The following TEX264 variants were observed in gnomAD, a reference collection of about 807,000 sequenced individuals.
The protein encoded by TEX264 is testis expressed 264, ER-phagy receptor.
TEX264 carries 13 observed loss-of-function variants against 23.4 expected under a neutral mutation model. The observed-to-expected ratio is 0.56, with a 90% CI of 0.36 to 0.88. The LOEUF (loss-of-function observed/expected upper bound fraction) is 0.88. Among genes scored for constraint, TEX264 ranks in the 40% least tolerant of loss-of-function variants. TEX264 has a pLI of 0.01. For missense variants in TEX264, 340 were observed against 406.8 expected (o/e 0.84, Z 1.41); for synonymous variants, 159 against 170.0 (o/e 0.94, Z 0.50).
In TEX264 at chr3:51,686,106, A is replaced by G. The variant is rs1219344275; in HGVS notation, c.480+1472A>G. ...GATACATCTAAGTTGGGGGGTGTGG[A>G]GTCAGCAATGGTATGTGTGGCCTGG... On this transcript the variant is annotated intron_variant, in intron 3 of 4. Coordinates refer to ENST00000341333, the MANE Select transcript of TEX264 (RefSeq NM_015926.6). This position sits in a 1 kb window ranked among gnomAD's most constrained non-coding sequence, Gnocchi z 4.1. Among the ~76,000 whole-genome samples, 1 of 152,064 alleles carries G rather than the reference A, an allele frequency of 6.6e-6. No homozygotes were observed. Among genetic ancestry groups the G allele is most frequent in the Admixed American group, 6.5e-5 (1 of 15,268 alleles).
intron 3 of TEX264, among the ~76,000 whole-genome samples, chr3:51,693,561 C>T (rs1702910503): frequency 6.7e-6 from 1 of 149,258 alleles, no homozygotes; most frequent in Admixed American, 6.9e-5. Flanking sequence ...CTCACTGCAA[C>T]CTCTGCCTCC....
intron 3 of TEX264, among the ~76,000 whole-genome samples, chr3:51,689,987 G>T (rs1319101760): frequency 6.6e-6 from 1 of 152,208 alleles, no homozygotes; most frequent in Non-Finnish European, 1.5e-5. Context: ...TTATGGGGCA[G>T]CCAGCTTGGA....
chr3:51,690,938 G>A (rs1023365166), intron 3 of TEX264, among the ~76,000 whole-genome samples: 2 of 152,244 alleles, frequency 1.3e-5, no homozygotes, highest in Admixed American at 1.3e-4. Flanking sequence ...CGTTCCGATG[G>A]CTATATGCCT....
chr3:51,692,523 C>T lies in TEX264; in HGVS notation c.481-6883C>T, dbSNP rs115163905. Among the ~76,000 whole-genome samples the T allele has an allele frequency of 7.8e-3, 1,195 of 152,332 alleles. 9 individuals are homozygous for T. The highest frequency in any genetic ancestry group is 0.021 in the South Asian group (102 of 4,830). The stretch of plus-strand genomic sequence containing the variant: ...TCTCTTCTGTCCCCTGTCTCCTCTC[C>T]ATTCCCACTTGCCCACTTGTCCTTC... On this transcript the variant is annotated intron_variant, in intron 3 of 4. Coordinates refer to ENST00000341333, the MANE Select transcript of TEX264 (RefSeq NM_015926.6).
chr3:51,687,076 T>C (rs1461983912), intron 3 of TEX264, among the ~76,000 whole-genome samples: 2 of 152,196 alleles, frequency 1.3e-5, no homozygotes, highest in Non-Finnish European at 2.9e-5. Flanking sequence ...TCAGCTGTGC[T>C]CCTGGAGTGG....
In TEX264 at chr3:51,691,031, G is replaced by A. The variant is rs527394698; in HGVS notation, c.480+6397G>A. On this transcript the variant is annotated intron_variant, in intron 3 of 4. Transcript: ENST00000341333. This position sits in a 1 kb window ranked among gnomAD's most constrained non-coding sequence, Gnocchi z 4.4. The stretch of plus-strand genomic sequence containing the variant: ...ATCAATTTGGGATATGCTCGGGATG[G>A]TGCCCCAGGGTGGGCTTTCTTTCCT... Among the ~76,000 whole-genome samples the A allele has an allele frequency of 6.6e-6, 1 of 152,356 alleles. No homozygotes were observed. The highest frequency in any genetic ancestry group is 2.1e-4 in the South Asian group (1 of 4,826).
At chr3:51,679,717 A>T (rs756477454) in intron 2 of TEX264, among the ~76,000 whole-genome samples, 2 of 152,196 alleles carry the variant, frequency 1.3e-5, no homozygotes, top group Non-Finnish European at 1.5e-5. Flanking sequence ...GTCAGATATC[A>T]GCTGTTTTTA....
chr3:51,696,430 G>A, intron 3 of TEX264, among the ~76,000 whole-genome samples: 1 of 152,196 alleles, frequency 6.6e-6, no homozygotes, highest in East Asian at 1.9e-4. Context: ...ATATTTACTG[G>A]CTCATTGACA....
At chr3:51,675,774 CTG>C (rs1011088121) in intron 2 of TEX264, among the ~76,000 whole-genome samples, 2 of 152,164 alleles carry the variant, frequency 1.3e-5, no homozygotes, top group African/African-American at 4.8e-5. Flanking sequence ...GCTAAGAAAA[CTG>C]TGACAGCAAG....
rs745432967 is a variant in TEX264 at position 51,704,032 on chromosome 3, C to G, written c.*16C>G. On this transcript the variant is annotated 3_prime_UTR_variant, in exon 5 of 5. Coordinates refer to ENST00000341333, the MANE Select transcript of TEX264 (RefSeq NM_015926.6). ...CAAGGAGTAACCCATGGCCTGCACC[C>G]TCCTGCAGTGCAGTTGCTGAGGAAC... 1.4e-6 allele frequency: 2 copies of G among 1,471,288 alleles called. No homozygotes were observed. The highest frequency in any genetic ancestry group is 2.9e-5 in the South Asian group (2 of 70,102). The allele number at this position is 1,471,288 out of a possible 1,614,324, so 91.1% of individuals were successfully genotyped here. A position where few individuals can be genotyped will look rare whatever the true frequency, so the allele number is the denominator to read the frequency against.
In TEX264 at chr3:51,684,496, C is replaced by T; in HGVS notation, c.342C>T (p.Leu114=). The change falls in exon 3 of 5, where the codon CTC becomes CTT. Residue 114 remains leucine (L), a synonymous_variant. Coordinates refer to ENST00000341333, the MANE Select transcript of TEX264 (RefSeq NM_015926.6). The part of the protein sequence containing the change: ...EESPSPELID[L]YQKFGFKVFS... ...CGCCCTCCCCTGAGCTCATCGACCT[C>T]TACCAGAAATTTGGCTTCAAGGTGT... is the stretch of plus-strand genomic sequence containing the variant. 1 of 1,614,238 alleles carries T rather than the reference C, an allele frequency of 6.2e-7. No individual in the cohort carries two copies.
chr3:51,685,136 C>G (rs1702573696), intron 3 of TEX264, among the ~76,000 whole-genome samples: 2 of 152,232 alleles, frequency 1.3e-5, no homozygotes, highest in South Asian at 4.1e-4. Flanking sequence ...TCCTTTACTT[C>G]CTGACTTGGT....
chr3:51,698,428 A>T (rs950260323), intron 3 of TEX264, among the ~76,000 whole-genome samples: 1 of 152,148 alleles, frequency 6.6e-6, no homozygotes, highest in Non-Finnish European at 1.5e-5. Context: ...CCTTGCAGTC[A>T]TCATAGTGGG....
chr3:51,692,081 G>A (rs560922368), intron 3 of TEX264, among the ~76,000 whole-genome samples: 11 of 152,316 alleles, frequency 7.2e-5, no homozygotes, highest in African/African-American at 1.9e-4. Context: ...TTGCTAGGGC[G>A]GCGTGGGAGC....
At chr3:51,694,628 C>T (rs1306564411) in intron 3 of TEX264, 5 of 152,240 alleles carry the variant, frequency 3.3e-5, no homozygotes, top group Admixed American at 6.5e-5. Context: ...GGGAAGCTAC[C>T]GATTTGTGTA....
rs1161915502 is a variant in TEX264 at position 51,704,301 on chromosome 3, A to G, written c.*285A>G. On this transcript the variant is annotated 3_prime_UTR_variant, in exon 5 of 5. Transcript: ENST00000341333. ...GCTTCCAGGACCCAGAATAAAGCCA[A>G]TGATTTACTTGTTTCACCTGGATTT... 11 of 285,398 alleles carry G rather than the reference A, an allele frequency of 3.9e-5. 1 individual carries two copies. Among genetic ancestry groups the G allele is most frequent in the Admixed American group, 2.6e-4 (5 of 19,482 alleles). 17.7% of individuals were successfully genotyped at this position (285,398 alleles called of 1,614,324 possible).
chr3:51,679,982 G>A (rs917209717), intron 2 of TEX264, among the ~76,000 whole-genome samples: 4 of 152,124 alleles, frequency 2.6e-5, no homozygotes, highest in African/African-American at 9.7e-5. Context: ...GAGGGCAAAC[G>A]AGGTCCCGTA....
rs1702167570 is a variant in TEX264 at position 51,674,545 on chromosome 3, T to C, written c.241T>C (p.Tyr81His). 1 of 1,614,154 alleles carries C rather than the reference T, an allele frequency of 6.2e-7. No homozygotes were observed. The highest frequency in any genetic ancestry group is 8.5e-7 in the Non-Finnish European group (1 of 1,180,024). ...SPKLRSIAVYYDNPHMVPPDK... is the reference protein window; with the variant it reads ...SPKLRSIAVYHDNPHMVPPDK... Reference sequence around the variant, plus strand: ...CAAGCTCCGCTCCATCGCTGTCTACTATGACAACCCCCACATGGTAAGGAG... The same window carrying C: ...CAAGCTCCGCTCCATCGCTGTCTACCATGACAACCCCCACATGGTAAGGAG... Residue 81 changes from tyrosine to histidine, a missense_variant, in exon 2 of 5, where the codon TAT (tyrosine) becomes CAT (histidine). Coordinates refer to ENST00000341333, the MANE Select transcript of TEX264 (RefSeq NM_015926.6).
At chr3:51,696,689 C>T (rs570305834) in intron 3 of TEX264, among the ~76,000 whole-genome samples, 3 of 152,336 alleles carry the variant, frequency 2.0e-5, no homozygotes, top group South Asian at 4.1e-4. Context: ...GGCCAGGGGG[C>T]AACTACAAGC....
Sources: gnomAD v4.1 joint callset for allele counts (sites outside exome capture counted in the v4.1 genomes callset) on GRCh38, gnomAD v4.1.1 for gene constraint, Gnocchi (gnomAD v3.1) non-coding constraint, MANE v1.5 for transcripts, NCBI Gene and HGNC (gene_info 2026-07-23, HGNC 2026-07-21) for gene names.